SLC7A2: variants seen among roughly 807,000 people sequenced by gnomAD.
SLC7A2 encodes cationic amino acid transporter 2.
SLC7A2 carries 48 observed loss-of-function variants against 58.9 expected under a neutral mutation model. The observed-to-expected ratio is 0.82, with a 90% CI of 0.65 to 1.04. The LOEUF is 1.04. Ranked by LOEUF, SLC7A2 falls within the 50% of genes least tolerant of loss-of-function variation. The pLI is 0.00. For synonymous variants in SLC7A2, 363 were observed against 314.5 expected, an observed-to-expected ratio of 1.15 and a Z score of -1.63; for missense variants, 1,029 against 818.8, an observed-to-expected ratio of 1.26 and a Z score of -3.13.
In SLC7A2 at chr8:17,565,111, C is replaced by A. The variant is rs749127566; in HGVS notation, c.1942C>A (p.Pro648Thr). 1 of 1,613,662 alleles carries A rather than the reference C, an allele frequency of 6.2e-7. No homozygotes were observed. The highest frequency in any genetic ancestry group is 1.1e-5 in the South Asian group (1 of 90,980). ...CCATCACCCAAGAAATCTCAGTTCA[C>A]CTTTCATATTCCATGAAAAGACAAG... is the stretch of plus-strand genomic sequence containing the variant. ...NDHHPRNLSS[P>T]FIFHEKTSEF The change falls in exon 13 of 13, where the codon CCT becomes ACT. Residue 648 changes from proline to threonine, a missense_variant. Transcript: ENST00000494857.
intron 2 of SLC7A2, among the ~76,000 whole-genome samples, chr8:17,521,381 C>T (rs184741781): frequency 2.6e-5 from 4 of 152,144 alleles, no homozygotes; most frequent in African/African-American, 7.2e-5. Context: ...TAAGAATTTA[C>T]GTCAGATGAA....
At position 17,568,991 on chromosome 8, in the gene SLC7A2, T is replaced by G. The variant is rs1202611192; in HGVS notation, c.*3845T>G. On this transcript the variant is annotated 3_prime_UTR_variant, in exon 13 of 13. Transcript: ENST00000494857. ...AAAATAAAAATAAAAATAAAACACT[T>G]TAATTAGAATCTATTTTTACCTATT... 6.6e-6 allele frequency: 1 copy of G among 152,036 alleles called. No individual in the cohort carries two copies. Among genetic ancestry groups the G allele is most frequent in the East Asian group, 1.9e-4 (1 of 5,188 alleles). The allele number at this position is 152,036 out of a possible 1,614,324, so 9.4% of individuals were successfully genotyped here. A position where few individuals can be genotyped will look rare whatever the true frequency, so the allele number is the denominator to read the frequency against.
chr8:17,509,396 C>G (rs1466471816), intron 2 of SLC7A2, among the ~76,000 whole-genome samples: 3 of 152,100 alleles, frequency 2.0e-5, no homozygotes, highest in African/African-American at 7.2e-5. Context: ...ACCTCCGCCT[C>G]CCTGGTTCAA....
At chr8:17,524,040 A>G (rs913586847) in intron 2 of SLC7A2, among the ~76,000 whole-genome samples, 7 of 152,230 alleles carry the variant, frequency 4.6e-5, no homozygotes, top group African/African-American at 1.2e-4. Flanking sequence ...ATGCAAATCA[A>G]AAACCATAAT....
At chr8:17,513,116 G>A (rs184726401) in intron 2 of SLC7A2, among the ~76,000 whole-genome samples, 3 of 152,264 alleles carry the variant, frequency 2.0e-5, no homozygotes, top group Admixed American at 6.5e-5. Flanking sequence ...TGCTGTGAAC[G>A]TGGCTGTGCA....
At position 17,558,314 on chromosome 8, in the gene SLC7A2, T is replaced by C. The variant is rs909504388; in HGVS notation, c.1215T>C (p.Phe405=). The part of the protein sequence containing the change: ...GAVAALMAFL[F]DLKALVDMMS... ...CCCTAGCTTTGATGGCCTTTCTGTT[T>C]GACCTGAAGGCGCTTGTGGACATGA... The change falls in exon 9 of 13, where the codon TTT becomes TTC. Residue 405 remains phenylalanine, a synonymous_variant. Transcript: ENST00000494857. The C allele has an allele frequency of 2.5e-6, 4 of 1,613,190 alleles. No individual in the cohort carries two copies. The highest frequency in any genetic ancestry group is 3.4e-6 in the Non-Finnish European group (4 of 1,179,358).
chr8:17,525,450 C>G (rs1034532275), intron 2 of SLC7A2, among the ~76,000 whole-genome samples: 4 of 152,244 alleles, frequency 2.6e-5, no homozygotes, highest in East Asian at 1.9e-4. Flanking sequence ...GTCCCATTTT[C>G]TTTTTATTTC....
chr8:17,532,851 C>T (rs545242139), intron 2 of SLC7A2, among the ~76,000 whole-genome samples: 3 of 152,302 alleles, frequency 2.0e-5, no homozygotes, highest in Admixed American at 6.5e-5. Flanking sequence ...TATCGTACTA[C>T]TCATGGAGTT....
chr8:17,548,813 A>G lies in SLC7A2; in HGVS notation c.668A>G (p.Glu223Gly), dbSNP rs1802301190. The change falls in exon 5 of 13, where the codon GAG (glutamate) becomes GGG (glycine). Residue 223 changes from glutamate (E) to glycine (G), a missense_variant. By Grantham distance (98) the Glu-to-Gly change is moderately conservative. Transcript: ENST00000494857. ...GTGGCAAACTGGAAGATTAGTGAAGAGTTTCTCAAAAATATATCAGCAAGT... is the reference window on the plus strand; with the variant it reads ...GTGGCAAACTGGAAGATTAGTGAAGGGTTTCTCAAAAATATATCAGCAAGT... Reference protein sequence around the residue: ...GNVANWKISEEFLKNISASAR... With the variant: ...GNVANWKISEGFLKNISASAR... The G allele has an allele frequency of 6.2e-7, 1 of 1,611,334 alleles. No individual in the cohort carries two copies. Among genetic ancestry groups the G allele is most frequent in the African/African-American group, 1.3e-5 (1 of 74,704 alleles).
chr8:17,518,887 T>C (rs770121655), intron 2 of SLC7A2, among the ~76,000 whole-genome samples: 1 of 152,142 alleles, frequency 6.6e-6, no homozygotes, highest in Admixed American at 6.5e-5. Flanking sequence ...GTTGAGATTA[T>C]GGTGCCAGCA....
intron 2 of SLC7A2, among the ~76,000 whole-genome samples, chr8:17,541,262 C>G (rs148493378): frequency 7.1e-4 from 108 of 152,228 alleles, no homozygotes; most frequent in African/African-American, 2.1e-3. Context: ...TCTTTTTAAG[C>G]AGAACACTTA....
chr8:17,564,478 C>T (rs890722580), intron 12 of SLC7A2, among the ~76,000 whole-genome samples: 1 of 152,164 alleles, frequency 6.6e-6, no homozygotes, highest in Non-Finnish European at 1.5e-5. Flanking sequence ...TCTTCTAAAG[C>T]AGCGGTCCCC....
chr8:17,550,445 T>C lies in SLC7A2; in HGVS notation c.832+11T>C. 6.2e-7 allele frequency: 1 copy of C among 1,611,862 alleles called. No homozygotes were observed. Among genetic ancestry groups the C allele is most frequent in the South Asian group, 1.1e-5 (1 of 90,730 alleles). On this transcript the variant is annotated intron_variant, in intron 6 of 12. Coordinates refer to ENST00000494857, the MANE Select transcript of SLC7A2 (RefSeq NM_001370338.1). ...GCATTGCAACAACTGGTAAGAGCAGTGTCTTGGCTCAGTGTAGAAGGAGTG... is the reference window on the plus strand; with the variant it reads ...GCATTGCAACAACTGGTAAGAGCAGCGTCTTGGCTCAGTGTAGAAGGAGTG...
intron 5 of SLC7A2, 112 bp downstream of exon 5, chr8:17,548,955 T>G: frequency 2.3e-6 from 2 of 883,856 alleles, no homozygotes; most frequent in Non-Finnish European, 3.5e-6. Context: ...GACTGGGTAA[T>G]TTATAAGGAA....
Position 17,562,057 on chromosome 8 carries a change from A to G in SLC7A2, c.1618A>G (p.Ile540Val), listed in dbSNP as rs374695626. ...GCTGTTTCTTGTTCTCTTCGTTGCCATCGTTCTCACCATCTGGAGGCAGCC... is the reference window on the plus strand; with the variant it reads ...GCTGTTTCTTGTTCTCTTCGTTGCCGTCGTTCTCACCATCTGGAGGCAGCC... ...LALFLVLFVAIVLTIWRQPQN... is the reference protein window; with the variant it reads ...LALFLVLFVAVVLTIWRQPQN... Residue 540 changes from isoleucine (I) to valine (V), a missense_variant, in exon 11 of 13, where the codon ATC becomes GTC. Transcript: ENST00000494857. 6.2e-6 allele frequency: 10 copies of G among 1,613,902 alleles called. No homozygotes were observed. The highest frequency in any genetic ancestry group is 1.3e-5 in the African/African-American group (1 of 74,896).
At chr8:17,523,316 A>G (rs1317239657) in intron 2 of SLC7A2, among the ~76,000 whole-genome samples, 1 of 152,170 alleles carries the variant, frequency 6.6e-6, no homozygotes, top group Non-Finnish European at 1.5e-5. Flanking sequence ...AAGCAAGAGT[A>G]AGCAAAAAGA....
intron 1 of SLC7A2, among the ~76,000 whole-genome samples, chr8:17,501,608 C>T (rs764001386): frequency 1.3e-5 from 2 of 151,968 alleles, no homozygotes; most frequent in African/African-American, 2.4e-5. Context: ...TTTCTTGATA[C>T]GGGACTTTAT....
chr8:17,539,495 C>T (rs73566088), intron 2 of SLC7A2, among the ~76,000 whole-genome samples: 2,399 of 152,230 alleles, frequency 0.016, 62 homozygotes, highest in African/African-American at 0.055. Context: ...CCTCAAGAGA[C>T]GCCACTGTCT....
chr8:17,558,065 G>C (rs759265764), intron 8 of SLC7A2, among the ~76,000 whole-genome samples: 8 of 152,100 alleles, frequency 5.3e-5, no homozygotes, highest in Non-Finnish European at 8.8e-5. Flanking sequence ...CAAGTAGAAT[G>C]CGCCTTGGAT....
Sources: gnomAD v4.1 joint callset for allele counts (sites outside exome capture counted in the v4.1 genomes callset) on GRCh38, gnomAD v4.1.1 for gene constraint, MANE v1.5 for transcripts, NCBI Gene and HGNC (gene_info 2026-07-23, HGNC 2026-07-21) for gene names.